The following C4orf36 variants were observed in gnomAD, a reference collection of about 807,000 sequenced individuals.
C4orf36 encodes the protein chromosome 4 open reading frame 36.
In C4orf36, 11 loss-of-function variants were observed where a neutral mutation model predicts 12.2. The observed-to-expected ratio is 0.90, with a 90% CI of 0.57 to 1.49. C4orf36 has a LOEUF of 1.49. C4orf36 is among the 40% of genes most tolerant of loss of function. The probability of loss-of-function intolerance (pLI) is 0.00; values close to 1 mark genes in which losing one functional copy is unlikely to be tolerated. For missense variants in C4orf36, 137 were observed against 133.9 expected (o/e 1.02, Z -0.11); for synonymous variants, 54 against 51.3 (o/e 1.05, Z -0.22).
chr4:86,912,644 T>G, the C4orf36 span, among the ~76,000 whole-genome samples: 1 of 152,192 alleles, frequency 6.6e-6, no homozygotes, highest in African/African-American at 2.4e-5. Flanking sequence ...CTATTGCTAT[T>G]GAGATGTCAA....
At position 86,892,296 on chromosome 4, in the gene C4orf36, C is replaced by T. The variant is rs932622882; in HGVS notation, c.-187G>A. ...GGCCTGGTTACCCGGGCTCCAGGGG[C>T]TCGGAGGGTCGCGGCCGGGGTACTG... is the stretch of plus-strand genomic sequence containing the variant. On this transcript the variant is annotated 5_prime_UTR_variant, in exon 1 of 5. Transcript: ENST00000295898. 3.3e-5 allele frequency: 33 copies of T among 985,642 alleles called. No homozygotes were observed. Among genetic ancestry groups the T allele is most frequent in the Non-Finnish European group, 3.9e-5 (32 of 830,198 alleles). The allele number at this position is 985,642 out of a possible 1,614,324, so 61.1% of individuals were successfully genotyped here. A position where few individuals can be genotyped will look rare whatever the true frequency, so the allele number is the denominator to read the frequency against.
chr4:86,913,527 CAG>C, the C4orf36 span: 1 of 870,946 alleles, frequency 1.1e-6, no homozygotes, highest in Non-Finnish European at 1.9e-6. Flanking sequence ...GAAGGTCAGG[CAG>C]CCTCGGTCAT....
intron 1 of C4orf36, 170 bp downstream of exon 1, chr4:86,892,013 C>G: frequency 1.0e-6 from 1 of 987,344 alleles, no homozygotes; most frequent in African/African-American, 1.7e-5. Flanking sequence ...ACACTCAGCA[C>G]CACTCCCGCG....
the C4orf36 span, among the ~76,000 whole-genome samples, chr4:86,901,962 A>C: frequency 6.6e-6 from 1 of 152,154 alleles, no homozygotes; most frequent in East Asian, 1.9e-4. Context: ...AGGTGACCTC[A>C]TCTAATCAGG....
the C4orf36 span, among the ~76,000 whole-genome samples, chr4:86,915,753 C>T: frequency 2.0e-5 from 3 of 152,312 alleles, no homozygotes; most frequent in South Asian, 2.1e-4. Flanking sequence ...TACCATTACA[C>T]TCCAGCCTGG....
At chr4:86,900,709 C>CT in the C4orf36 span, among the ~76,000 whole-genome samples, 246 of 151,744 alleles carry the variant, frequency 1.6e-3, no homozygotes, top group African/African-American at 5.7e-3. Flanking sequence ...AGAAGCTGCC[C>CT]GCCCATGATG....
At chr4:86,902,790 T>C in the C4orf36 span, among the ~76,000 whole-genome samples, 1 of 152,218 alleles carries the variant, frequency 6.6e-6, no homozygotes, top group African/African-American at 2.4e-5. Context: ...TATCACCTTC[T>C]AACATCCTAT....
At position 86,878,267 on chromosome 4, in the gene C4orf36, C is replaced by T. The variant is rs534633246; in HGVS notation, c.*3-1824G>A. Among the ~76,000 whole-genome samples, 336 of 152,254 alleles carry T rather than the reference C, an allele frequency of 2.2e-3. 3 individuals carry two copies. The highest frequency in any genetic ancestry group is 3.9e-3 in the Admixed American group (59 of 15,304). ...CTCCCCTTCTCCAGTCTCTGCACTC[C>T]CTGTATGGCTTCACTGGACCATTTT... On this transcript the variant is annotated intron_variant, in intron 4 of 4. Coordinates refer to ENST00000295898, the MANE Select transcript of C4orf36 (RefSeq NM_144645.4).
chr4:86,890,961 T>C (rs1320089694), intron 2 of C4orf36, among the ~76,000 whole-genome samples: 1 of 152,160 alleles, frequency 6.6e-6, no homozygotes, highest in Non-Finnish European at 1.5e-5. Context: ...GTCTTCTTGA[T>C]TGGAAAGCAT....
chr4:86,893,823 A>G (rs1411197253), upstream of C4orf36, among the ~76,000 whole-genome samples: 2 of 152,040 alleles, frequency 1.3e-5, no homozygotes, highest in African/African-American at 4.8e-5. Flanking sequence ...GAAACCCTCA[A>G]TGGACTGTGA....
At chr4:86,913,270 TG>T in the C4orf36 span, 1 of 618,560 alleles carries the variant, frequency 1.6e-6, no homozygotes. Flanking sequence ...CCAGAGGCCC[TG>T]GATGGAAGAC....
At chr4:86,917,230 T>C in the C4orf36 span, among the ~76,000 whole-genome samples, 1 of 151,940 alleles carries the variant, frequency 6.6e-6, no homozygotes, top group Admixed American at 6.6e-5. Context: ...CAGTGAGCTA[T>C]GATCATGCCA....
intron 2 of C4orf36, 111 bp from the exon 3 acceptor site, chr4:86,888,386 A>G (rs1242119629): frequency 2.3e-5 from 24 of 1,050,746 alleles, no homozygotes; most frequent in African/African-American, 3.2e-5. Context: ...ATTTTGGTTT[A>G]TGGGTGGAGG....
At chr4:86,911,857 GA>G in the C4orf36 span, among the ~76,000 whole-genome samples, 4 of 147,062 alleles carry the variant, frequency 2.7e-5, no homozygotes, top group Admixed American at 6.8e-5. Context: ...TGGCTATTTA[GA>G]AAAAAAAAAT....
the C4orf36 span, among the ~76,000 whole-genome samples, chr4:86,899,369 T>C: frequency 7.3e-5 from 11 of 151,576 alleles, no homozygotes; most frequent in African/African-American, 2.7e-4. Context: ...GAACCAAGAG[T>C]TGTAGAAAGA....
chr4:86,912,142 T>A, the C4orf36 span, among the ~76,000 whole-genome samples: 1 of 152,150 alleles, frequency 6.6e-6, no homozygotes, highest in South Asian at 2.1e-4. Flanking sequence ...CCCAAAGTGC[T>A]GGGATTACAG....
the C4orf36 span, among the ~76,000 whole-genome samples, chr4:86,922,743 C>G: frequency 6.6e-6 from 1 of 152,110 alleles, no homozygotes; most frequent in Admixed American, 6.6e-5. Flanking sequence ...GCTGCACCAC[C>G]ACCTCTATCT....
chr4:86,910,122 G>C, the C4orf36 span, among the ~76,000 whole-genome samples: 1 of 152,062 alleles, frequency 6.6e-6, no homozygotes. Flanking sequence ...CCTTCTGCCT[G>C]CAAGCTGAAT....
chr4:86,918,588 T>G, the C4orf36 span, among the ~76,000 whole-genome samples: 1 of 152,200 alleles, frequency 6.6e-6, no homozygotes, highest in Non-Finnish European at 1.5e-5. Context: ...CTGACCATCT[T>G]GGGCTGCTTA....
Sources: allele counts gnomAD v4.1 joint callset (sites outside exome capture counted in the v4.1 genomes callset), GRCh38; gene constraint gnomAD v4.1.1; transcripts MANE v1.5; gene names NCBI Gene and HGNC (gene_info 2026-07-23, HGNC 2026-07-21).